Variants in AGAP1 observed in about 807,000 individuals in gnomAD.
The protein encoded by AGAP1 is ArfGAP with GTPase domain, ankyrin repeat and PH domain 1.
Under a neutral mutation model 105.3 loss-of-function variants are expected in AGAP1, and 29 were observed. The ratio of observed to expected loss-of-function variants is 0.28; its 90% CI spans 0.21 to 0.38. The LOEUF is 0.38. Ranked by LOEUF, AGAP1 falls within the 10% of genes least tolerant of loss-of-function variation. The pLI is 1.00. For synonymous variants in AGAP1, 509 were observed against 485.9 expected (o/e 1.05, Z -0.63); for missense variants, 998 against 1,165.1 (o/e 0.86, Z 2.09).
In AGAP1 at chr2:235,877,581, T is replaced by TGGAC. The variant is rs1221347809; in HGVS notation, c.1051-5763_1051-5762insGACG. Among the ~76,000 whole-genome samples, 1 of 152,226 alleles carries TGGAC rather than the reference T, an allele frequency of 6.6e-6. No homozygotes were observed. Among genetic ancestry groups the TGGAC allele is most frequent in the Non-Finnish European group, 1.5e-5 (1 of 68,042 alleles). On this transcript the variant is annotated intron_variant, in intron 9 of 17. Coordinates refer to ENST00000304032, the MANE Select transcript of AGAP1 (RefSeq NM_001037131.3). The surrounding 1 kb of genome is among the most constrained non-coding windows in gnomAD (Gnocchi z 4.3). ...TTACATGTTGCGTCTCCCTCAGCGCTGTCCCCCTTAGCACCACTCATGACC... is the reference window on the plus strand; with the variant it reads ...TTACATGTTGCGTCTCCCTCAGCGCTGGACGTCCCCCTTAGCACCACTCATGACC...
chr2:235,562,930 T>G (rs538971807), intron 1 of AGAP1, among the ~76,000 whole-genome samples: 1 of 151,972 alleles, frequency 6.6e-6, no homozygotes, highest in Non-Finnish European at 1.5e-5. Flanking sequence ...GCCGGTGGTG[T>G]GCGCCTGTAG....
At chr2:236,088,069 G>T (rs2058975543) in intron 16 of AGAP1, among the ~76,000 whole-genome samples, 1 of 152,150 alleles carries the variant, frequency 6.6e-6, no homozygotes. Context: ...CTCCACGATG[G>T]TTATTTCCAG....
intron 2 of AGAP1, among the ~76,000 whole-genome samples, chr2:235,709,534 C>T (rs1289471224): frequency 8.7e-6 from 1 of 115,006 alleles, no homozygotes; most frequent in Non-Finnish European, 2.0e-5. Flanking sequence ...TGTGTGTGTC[C>T]ACACACACAC....
Position 236,113,342 on chromosome 2 carries a change from T to C in AGAP1, c.2115-6850T>C, listed in dbSNP as rs1240969239. Among the ~76,000 whole-genome samples, 3 of 152,148 alleles carry C rather than the reference T, an allele frequency of 2.0e-5. No homozygotes were observed. Among genetic ancestry groups the C allele is most frequent in the African/African-American group, 4.8e-5 (2 of 41,434 alleles). ...TTTTAGTAGAGATGGGGTTTTACCA[T>C]GTTGGCCAGGCTGGTGTCGAACTCC... On this transcript the variant is annotated intron_variant, in intron 16 of 17. Transcript: ENST00000304032. The surrounding 1 kb of genome is among the most constrained non-coding windows in gnomAD (Gnocchi z 4.3).
chr2:235,501,034 A>AT (rs1941540383), intron 1 of AGAP1, among the ~76,000 whole-genome samples: 1 of 152,182 alleles, frequency 6.6e-6, no homozygotes, highest in Non-Finnish European at 1.5e-5. Flanking sequence ...TCCATGGGAC[A>AT]GGCTGGGGGT....
intron 16 of AGAP1, among the ~76,000 whole-genome samples, chr2:236,086,460 A>G (rs944717909): frequency 6.6e-6 from 1 of 152,196 alleles, no homozygotes; most frequent in Non-Finnish European, 1.5e-5. Context: ...GTAATTTTAA[A>G]TCCTCTTTTT....
chr2:236,116,073 G>A (rs577866481), intron 16 of AGAP1, among the ~76,000 whole-genome samples: 143 of 152,100 alleles, frequency 9.4e-4, no homozygotes, highest in Non-Finnish European at 1.7e-3. Flanking sequence ...CCCGGAGTGT[G>A]AGGATTACAG....
chr2:235,785,510 C>T (rs1956571839), intron 6 of AGAP1, among the ~76,000 whole-genome samples: 1 of 152,056 alleles, frequency 6.6e-6, no homozygotes, highest in East Asian at 1.9e-4. Context: ...GTCTCCTGTT[C>T]CTCATTTATC....
Position 235,799,585 on chromosome 2 carries a change from C to T in AGAP1, c.957+63C>T. ...CCGAAGCGTTCCCATTAACGTAAAC[C>T]TGGTTGCCACATGGTTCAGTGGTAT... On this transcript the variant is annotated intron_variant, in intron 8 of 17. Coordinates refer to ENST00000304032, the MANE Select transcript of AGAP1 (RefSeq NM_001037131.3). This position sits in a 1 kb window ranked among gnomAD's most constrained non-coding sequence, Gnocchi z 5.0. 1 of 1,561,024 alleles carries T rather than the reference C, an allele frequency of 6.4e-7. No individual in the cohort carries two copies. Among genetic ancestry groups the T allele is most frequent in the Admixed American group, 1.7e-5 (1 of 57,738 alleles).
chr2:236,036,447 T>C lies in AGAP1; in HGVS notation c.1646-114T>C. The stretch of plus-strand genomic sequence containing the variant: ...CCGTGGTTGTCCAGTGCCGTGCGCC[T>C]CACCGGTCCATGCAGGGGCAGCTGA... On this transcript the variant is annotated intron_variant, in intron 13 of 17. Transcript: ENST00000304032. The surrounding 1 kb of genome is among the most constrained non-coding windows in gnomAD (Gnocchi z 5.7). 1 of 1,399,604 alleles carries C rather than the reference T, an allele frequency of 7.1e-7. No homozygotes were observed. Among genetic ancestry groups the C allele is most frequent in the Non-Finnish European group, 9.7e-7 (1 of 1,027,150 alleles). The allele number at this position is 1,399,604 out of a possible 1,614,324, so 86.7% of individuals were successfully genotyped here. A position where few individuals can be genotyped will look rare whatever the true frequency, so the allele number is the denominator to read the frequency against.
chr2:235,873,998 G>A lies in AGAP1; in HGVS notation c.1051-9347G>A, dbSNP rs570762158. ...CTCGCCTCCATCTCCCAAAGTGCTGGGGTCACAGGCGTGAGCCATCACGCC... is the reference window on the plus strand; with the variant it reads ...CTCGCCTCCATCTCCCAAAGTGCTGAGGTCACAGGCGTGAGCCATCACGCC... On this transcript the variant is annotated intron_variant, in intron 9 of 17. Transcript: ENST00000304032. Among the ~76,000 whole-genome samples the A allele has an allele frequency of 2.3e-3, 354 of 152,248 alleles. 1 individual carries two copies. Among genetic ancestry groups the A allele is most frequent in the African/African-American group, 8.2e-3 (341 of 41,546 alleles).
At chr2:235,780,032 T>C (rs1373931447) in intron 6 of AGAP1, among the ~76,000 whole-genome samples, 1 of 152,188 alleles carries the variant, frequency 6.6e-6, no homozygotes, top group African/African-American at 2.4e-5. Flanking sequence ...AAGCGGTTCA[T>C]GCAAGACCTG....
rs1426481792 is a variant in AGAP1 at position 235,736,592 on chromosome 2, G to A, written c.311-4371G>A. ...TTTGATGGTATCCTCTAAAATTCTG[G>A]TGGAAAAAAGATCTCCCTTTGGGAG... On this transcript the variant is annotated intron_variant, in intron 3 of 17. Coordinates refer to ENST00000304032, the MANE Select transcript of AGAP1 (RefSeq NM_001037131.3). This position sits in a 1 kb window ranked among gnomAD's most constrained non-coding sequence, Gnocchi z 5.5. Among the ~76,000 whole-genome samples the A allele has an allele frequency of 6.6e-6, 1 of 152,228 alleles. No individual in the cohort carries two copies. The highest frequency in any genetic ancestry group is 1.9e-4 in the East Asian group (1 of 5,138).
chr2:235,966,516 C>T (rs1272763209), intron 12 of AGAP1, among the ~76,000 whole-genome samples: 1 of 152,080 alleles, frequency 6.6e-6, no homozygotes, highest in African/African-American at 2.4e-5. Flanking sequence ...TAAGGATGTG[C>T]GTCCATAGGA....
intron 1 of AGAP1, among the ~76,000 whole-genome samples, chr2:235,560,789 A>G (rs565307167): frequency 9.2e-5 from 14 of 152,286 alleles, no homozygotes; most frequent in African/African-American, 2.9e-4. Flanking sequence ...AGACAGTGAA[A>G]TCACGTCGTT....
intron 1 of AGAP1, among the ~76,000 whole-genome samples, chr2:235,513,988 G>T (rs1250757723): frequency 6.6e-6 from 1 of 152,216 alleles, no homozygotes. Context: ...TTAACAGTTT[G>T]ATAACTCCCA....
rs1188585148 is a variant in AGAP1, at chr2:235,792,096, C to G, written c.674-5663C>G. ...ACCTAACAGTGCTTACTCGGAATTGCTCCCCCGCCTCCCAAGTTACTGGCC... is the reference window on the plus strand; with the variant it reads ...ACCTAACAGTGCTTACTCGGAATTGGTCCCCCGCCTCCCAAGTTACTGGCC... On this transcript the variant is annotated intron_variant, in intron 6 of 17. Transcript: ENST00000304032. The surrounding 1 kb of genome is among the most constrained non-coding windows in gnomAD (Gnocchi z 5.3). Among the ~76,000 whole-genome samples, 1 of 152,140 alleles carries G rather than the reference C, an allele frequency of 6.6e-6. No homozygotes were observed. Among genetic ancestry groups the G allele is most frequent in the African/African-American group, 2.4e-5 (1 of 41,430 alleles).
chr2:235,637,136 G>T (rs1559305303), intron 1 of AGAP1, among the ~76,000 whole-genome samples: 1 of 152,166 alleles, frequency 6.6e-6, no homozygotes, highest in African/African-American at 2.4e-5. Flanking sequence ...AACGTCACCT[G>T]ACTCACTGTG....
intron 1 of AGAP1, among the ~76,000 whole-genome samples, chr2:235,658,496 G>T (rs1947844659): frequency 6.6e-6 from 1 of 152,204 alleles, no homozygotes; most frequent in African/African-American, 2.4e-5. Context: ...CTTTCCTGCA[G>T]CCTCCCGGGG....
Sources: gnomAD v4.1 joint callset for allele counts (sites outside exome capture counted in the v4.1 genomes callset) on GRCh38, gnomAD v4.1.1 for gene constraint, Gnocchi (gnomAD v3.1) non-coding constraint, MANE v1.5 for transcripts, NCBI Gene and HGNC (gene_info 2026-07-23, HGNC 2026-07-21) for gene names.